Variants in FOXN3 observed in about 807,000 individuals in gnomAD.
FOXN3 encodes the protein forkhead box protein N3.
In FOXN3, 7 loss-of-function variants were observed where a neutral mutation model predicts 38.4. The ratio of observed to expected loss-of-function variants is 0.18; its 90% CI spans 0.10 to 0.34. The LOEUF is 0.34. FOXN3 is among the 10% of genes least tolerant of loss of function. The probability of loss-of-function intolerance (pLI) is 1.00; values close to 1 mark genes in which losing one functional copy is unlikely to be tolerated. For missense variants in FOXN3, 456 were observed against 613.4 expected (o/e 0.74, Z 2.71); for synonymous variants, 230 against 242.2 (o/e 0.95, Z 0.47).
At chr14:89,265,441 T>C (rs941181230) in intron 4 of FOXN3, among the ~76,000 whole-genome samples, 1 of 152,104 alleles carries the variant, frequency 6.6e-6, no homozygotes, top group African/African-American at 2.4e-5. Context: ...GGAAAAGGTC[T>C]GAGAATCACT....
intron 5 of FOXN3, among the ~76,000 whole-genome samples, chr14:89,177,087 T>G (rs964129379): frequency 6.7e-6 from 1 of 148,838 alleles, no homozygotes; most frequent in Non-Finnish European, 1.5e-5. Context: ...TTCGGCTCAC[T>G]GCAACCTCCA....
chr14:89,427,160 T>C (rs1596268621), intron 1 of FOXN3, among the ~76,000 whole-genome samples: 1 of 138,976 alleles, frequency 7.2e-6, no homozygotes, highest in Non-Finnish European at 1.5e-5. Context: ...ACCAGGGAGG[T>C]GGAGGTTGCA....
At chr14:89,473,855 A>G (rs186366091) in intron 1 of FOXN3, among the ~76,000 whole-genome samples, 52 of 152,342 alleles carry the variant, frequency 3.4e-4, no homozygotes, top group African/African-American at 1.2e-3. Flanking sequence ...CTCCAAAGGC[A>G]TATTTCAATT....
chr14:89,507,749 A>G (rs1893975674), intron 1 of FOXN3, among the ~76,000 whole-genome samples: 1 of 152,120 alleles, frequency 6.6e-6, no homozygotes, highest in South Asian at 2.1e-4. Flanking sequence ...TGCAGTCTAA[A>G]TGAACAGAAG....
intron 4 of FOXN3, chr14:89,263,760 T>A (rs1423798470): frequency 8.5e-5 from 13 of 152,196 alleles, no homozygotes; most frequent in Admixed American, 6.5e-4. Flanking sequence ...CCAAACAATT[T>A]ACCATGTAAT....
At chr14:89,280,421 T>C (rs1886422938) in intron 4 of FOXN3, among the ~76,000 whole-genome samples, 1 of 152,074 alleles carries the variant, frequency 6.6e-6, no homozygotes, top group East Asian at 1.9e-4. Flanking sequence ...AGGTGACACT[T>C]GTGGGGACCA....
At chr14:89,582,373 A>G (rs1191242029) in intron 1 of FOXN3, among the ~76,000 whole-genome samples, 2 of 152,194 alleles carry the variant, frequency 1.3e-5, no homozygotes, top group African/African-American at 2.4e-5. Context: ...GCACATAATC[A>G]GCACGCAATA....
chr14:89,281,525 G>A lies in FOXN3; in HGVS notation c.681-511C>T, dbSNP rs539923641. Among the ~76,000 whole-genome samples the A allele has an allele frequency of 5.3e-5, 8 of 152,010 alleles. No homozygotes were observed. The East Asian group carries it at 5.8e-4, about 11-fold the overall frequency. ...CGATTTCCTCCTTCCCCCTCTTCTC[G>A]TTTCGTATCCTGTTTTCAATTTTTT... On this transcript the variant is annotated intron_variant, in intron 3 of 5. Coordinates refer to ENST00000557258, the MANE Select transcript of FOXN3 (RefSeq NM_005197.4).
intron 1 of FOXN3, among the ~76,000 whole-genome samples, chr14:89,439,092 C>T (rs958166265): frequency 6.6e-6 from 1 of 152,096 alleles, no homozygotes; most frequent in Non-Finnish European, 1.5e-5. Context: ...CCCACCCCTG[C>T]CAAATTGAAT....
At chr14:89,165,109 CG>C (rs1555408093) in intron 5 of FOXN3, among the ~76,000 whole-genome samples, 2 of 152,158 alleles carry the variant, frequency 1.3e-5, no homozygotes, top group Non-Finnish European at 2.9e-5. Context: ...CATTTGTACA[CG>C]GAAGTCCCAG....
At chr14:89,399,075 C>T (rs1297345284) in intron 2 of FOXN3, among the ~76,000 whole-genome samples, 1 of 152,218 alleles carries the variant, frequency 6.6e-6, no homozygotes, top group Admixed American at 6.5e-5. Flanking sequence ...CAGACTCAAG[C>T]CCCAGCCCAA....
At chr14:89,355,028 A>T (rs1277297936) in intron 2 of FOXN3, 1 of 151,866 alleles carries the variant, frequency 6.6e-6, no homozygotes, top group Admixed American at 6.6e-5. Flanking sequence ...AAAACTGAGA[A>T]AAATTACATG....
At chr14:89,282,754 C>T (rs1301517383) in intron 3 of FOXN3, among the ~76,000 whole-genome samples, 1 of 152,188 alleles carries the variant, frequency 6.6e-6, no homozygotes, top group Non-Finnish European at 1.5e-5. Context: ...CAGCTTACTT[C>T]CATCCAAACC....
Position 89,564,942 on chromosome 14 carries a change from A to C in FOXN3, c.-15+54086T>G, listed in dbSNP as rs114066840. 2.6e-5 allele frequency among the ~76,000 whole-genome samples: 4 copies of C among 151,720 alleles called. No homozygotes were observed. In the East Asian group the frequency reaches 7.7e-4, roughly 29 times the overall value. On this transcript the variant is annotated intron_variant, in intron 1 of 6. Transcript: ENST00000345097. ...ACCCCCTGTCTCTACTAAAAATACA[A>C]TATTAGCTGGGCGTGATGGTGCACT...
chr14:89,531,511 T>G (rs1261699341), intron 1 of FOXN3, among the ~76,000 whole-genome samples: 1 of 152,236 alleles, frequency 6.6e-6, no homozygotes, highest in African/African-American at 2.4e-5. Flanking sequence ...AGTTCTGATT[T>G]CTTTAGGACT....
intron 3 of FOXN3, among the ~76,000 whole-genome samples, chr14:89,299,423 G>A (rs1270729549): frequency 6.6e-6 from 1 of 152,218 alleles, no homozygotes; most frequent in East Asian, 1.9e-4. Flanking sequence ...AAATTATCCA[G>A]TCTTGGATGT....
chr14:89,170,382 GAA>G (rs1887357611), intron 5 of FOXN3, among the ~76,000 whole-genome samples: 1 of 152,054 alleles, frequency 6.6e-6, no homozygotes, highest in African/African-American at 2.4e-5. Context: ...GCTAATAATG[GAA>G]AAGACATATT....
intron 1 of FOXN3, chr14:89,577,327 C>T (rs1566706437): frequency 6.6e-6 from 1 of 152,126 alleles, no homozygotes; most frequent in Non-Finnish European, 1.5e-5. Context: ...TTTGAAAATC[C>T]ATGTAGTCCT....
chr14:89,512,328 G>A (rs546613752), intron 1 of FOXN3, among the ~76,000 whole-genome samples: 183 of 152,290 alleles, frequency 1.2e-3, no homozygotes, highest in Non-Finnish European at 2.2e-3. Flanking sequence ...ATTTTTACAC[G>A]GCATAGGGTA....
Sources: allele counts gnomAD v4.1 joint callset (sites outside exome capture counted in the v4.1 genomes callset), GRCh38; gene constraint gnomAD v4.1.1; transcripts MANE v1.5; gene names NCBI Gene and HGNC (gene_info 2026-07-23, HGNC 2026-07-21).